The following DPYD variants were observed in gnomAD, a reference collection of about 807,000 sequenced individuals.
DPYD encodes the protein dihydropyrimidine dehydrogenase.
A neutral mutation model predicts 116.2 loss-of-function variants in DPYD; 109 were observed. The observed-to-expected ratio is 0.94, with a 90% CI of 0.80 to 1.10. The LOEUF (loss-of-function observed/expected upper bound fraction) is 1.10, where lower values mean the gene tolerates loss of function less well. DPYD is among the 50% of genes least tolerant of loss of function. The pLI, the probability that DPYD is intolerant of heterozygous loss-of-function variation, is 0.00. For synonymous variants in DPYD, 440 were observed against 432.0 expected, an observed-to-expected ratio of 1.02 and a Z score of -0.23; for missense variants, 1,302 against 1,254.5, an observed-to-expected ratio of 1.04 and a Z score of -0.57.
intron 18 of DPYD, among the ~76,000 whole-genome samples, chr1:97,253,710 T>C (rs1663260516): frequency 6.6e-6 from 1 of 152,172 alleles, no homozygotes; most frequent in South Asian, 2.1e-4. Context: ...ACAGGGTAAA[T>C]TGGATGAGAA....
rs570146896 is a variant in DPYD, at chr1:97,878,878, T to C, written c.150+4386A>G. ...AAGGCCTATGTCACATAAATTTCAA[T>C]GTGGCAAGTGGCACAGACAATAAAT... On this transcript the variant is annotated intron_variant, in intron 2 of 22. Coordinates refer to ENST00000370192, the MANE Select transcript of DPYD (RefSeq NM_000110.4). Among the ~76,000 whole-genome samples the C allele has an allele frequency of 1.2e-3, 184 of 152,054 alleles. No individual in the cohort carries two copies. In the Middle Eastern group the frequency reaches 0.024, roughly 20 times the overall value.
chr1:97,815,007 GA>G (rs1329031460), intron 3 of DPYD, among the ~76,000 whole-genome samples: 1 of 149,738 alleles, frequency 6.7e-6, no homozygotes, highest in Non-Finnish European at 1.5e-5. Flanking sequence ...AAGGGAAAGG[GA>G]AAAGGAAAAG....
intron 3 of DPYD, among the ~76,000 whole-genome samples, chr1:97,750,692 T>C (rs1213380378): frequency 1.3e-5 from 2 of 152,190 alleles, no homozygotes; most frequent in Non-Finnish European, 2.9e-5. Context: ...CTTAAGAGTT[T>C]TCATAGAGTG....
At chr1:97,831,321 C>A (rs1669528667) in intron 2 of DPYD, among the ~76,000 whole-genome samples, 1 of 152,164 alleles carries the variant, frequency 6.6e-6, no homozygotes, top group Non-Finnish European at 1.5e-5. Flanking sequence ...GAGTAAAGGG[C>A]AAACAGATTC....
intron 16 of DPYD, among the ~76,000 whole-genome samples, chr1:97,362,417 A>G (rs1272653455): frequency 6.6e-6 from 1 of 152,218 alleles, no homozygotes; most frequent in Non-Finnish European, 1.5e-5. Flanking sequence ...CCATCAAGCT[A>G]TCAATGACTT....
At chr1:97,316,231 T>C (rs1667821568) in intron 16 of DPYD, among the ~76,000 whole-genome samples, 1 of 151,782 alleles carries the variant, frequency 6.6e-6, no homozygotes, top group East Asian at 2.0e-4. Flanking sequence ...GGCTCATGCC[T>C]GTAATCCCAG....
At chr1:97,300,351 G>C (rs2101019342) in intron 18 of DPYD, among the ~76,000 whole-genome samples, 1 of 152,176 alleles carries the variant, frequency 6.6e-6, no homozygotes, top group Non-Finnish European at 1.5e-5. Context: ...TATCGATCAA[G>C]ATGATTACAA....
intron 16 of DPYD, among the ~76,000 whole-genome samples, chr1:97,311,890 CATAT>C (rs1174611860): frequency 5.3e-5 from 8 of 151,672 alleles, no homozygotes. Context: ...TCTTTAGAGA[CATAT>C]ATATGGGTGA....
At position 97,903,738 on chromosome 1, in the gene DPYD, A is replaced by G. The variant is rs186072405; in HGVS notation, c.39+17146T>C. 1.2e-3 allele frequency among the ~76,000 whole-genome samples: 183 copies of G among 152,066 alleles called. No individual in the cohort carries two copies. The Middle Eastern group carries it at 0.024, about 20-fold the overall frequency. On this transcript the variant is annotated intron_variant, in intron 1 of 22. Coordinates refer to ENST00000370192, the MANE Select transcript of DPYD (RefSeq NM_000110.4). The stretch of plus-strand genomic sequence containing the variant: ...ATACTAGAGGAACTAAGAAATCCAA[A>G]TATCTAGAGTTTTAAAATGTTAATT...
chr1:97,716,781 C>T (rs1000649918), intron 5 of DPYD, among the ~76,000 whole-genome samples: 6 of 152,020 alleles, frequency 3.9e-5, no homozygotes, highest in Non-Finnish European at 8.8e-5. Flanking sequence ...AAACATAAAA[C>T]ATAGACCATA....
At chr1:97,151,257 T>C (rs1348592149) in intron 20 of DPYD, among the ~76,000 whole-genome samples, 1 of 152,216 alleles carries the variant, frequency 6.6e-6, no homozygotes, top group Non-Finnish European at 1.5e-5. Flanking sequence ...TATACAGATA[T>C]AATCGTACAT....
chr1:97,559,464 C>T (rs1210150749), intron 11 of DPYD, among the ~76,000 whole-genome samples: 1 of 152,030 alleles, frequency 6.6e-6, no homozygotes, highest in African/African-American at 2.4e-5. Flanking sequence ...ATTATGTATC[C>T]ATGTAATGTG....
intron 19 of DPYD, among the ~76,000 whole-genome samples, chr1:97,203,677 A>ACCC (rs1557935782): frequency 4.5e-5 from 2 of 44,300 alleles, no homozygotes; most frequent in Non-Finnish European, 9.1e-5. Flanking sequence ...CCCCCCCCAA[A>ACCC]AAAAAAAAAA....
At position 97,726,927 on chromosome 1, in the gene DPYD, T is replaced by C. The variant is rs146960522; in HGVS notation, c.322-5256A>G. Among the ~76,000 whole-genome samples the C allele has an allele frequency of 2.0e-5, 3 of 151,766 alleles. No individual in the cohort carries two copies. In the East Asian group the frequency reaches 5.8e-4, roughly 29 times the overall value. On this transcript the variant is annotated intron_variant, in intron 4 of 22. Transcript: ENST00000370192. Reference sequence around the variant, plus strand: ...TTTTCTATAGCTGTCAAACTATGAGTGTCTGATCTACTACTGCCATGAAAT... The same window carrying C: ...TTTTCTATAGCTGTCAAACTATGAGCGTCTGATCTACTACTGCCATGAAAT...
chr1:97,245,722 AT>A (rs1662674971), intron 18 of DPYD, among the ~76,000 whole-genome samples: 1 of 152,132 alleles, frequency 6.6e-6, no homozygotes, highest in African/African-American at 2.4e-5. Flanking sequence ...ATACAGAAAA[AT>A]AAAAAAGAGG....
chr1:97,555,402 G>GT (rs1443205935), intron 11 of DPYD, among the ~76,000 whole-genome samples: 1 of 152,114 alleles, frequency 6.6e-6, no homozygotes, highest in Non-Finnish European at 1.5e-5. Flanking sequence ...CTGGATGCCT[G>GT]TTTAAGATTA....
intron 3 of DPYD, among the ~76,000 whole-genome samples, chr1:97,825,292 G>A (rs1669178479): frequency 1.3e-5 from 2 of 152,166 alleles, no homozygotes; most frequent in South Asian, 2.1e-4. Flanking sequence ...GGATGAGGTG[G>A]CTAAGAATCC....
At chr1:97,733,375 T>A (rs1436495093) in intron 4 of DPYD, among the ~76,000 whole-genome samples, 1 of 152,076 alleles carries the variant, frequency 6.6e-6, no homozygotes, top group African/African-American at 2.4e-5. Context: ...AACTTCACCC[T>A]ACACTAACCT....
chr1:97,334,153 T>G (rs1669169187), intron 16 of DPYD, among the ~76,000 whole-genome samples: 1 of 152,214 alleles, frequency 6.6e-6, no homozygotes, highest in Non-Finnish European at 1.5e-5. Flanking sequence ...ATATCCCTCA[T>G]GAATATCTAA....
Sources: allele counts gnomAD v4.1 joint callset (sites outside exome capture counted in the v4.1 genomes callset), GRCh38; gene constraint gnomAD v4.1.1; transcripts MANE v1.5; gene names NCBI Gene and HGNC (gene_info 2026-07-23, HGNC 2026-07-21).